FGF14: variants seen among roughly 807,000 people sequenced by gnomAD.
FGF14 encodes fibroblast growth factor homologous factor 4.
FGF14 carries 5 observed loss-of-function variants against 25.5 expected under a neutral mutation model. The ratio of observed to expected loss-of-function variants is 0.20; its 90% CI spans 0.10 to 0.41. FGF14 has a LOEUF of 0.41. FGF14 is among the 10% of genes least tolerant of loss of function. The pLI is 1.00. For missense variants in FGF14, 222 were observed against 320.1 expected (o/e 0.69, Z 2.34); for synonymous variants, 138 against 118.3 (o/e 1.17, Z -1.08).
chr13:101,965,239 A>G (rs1179928055), intron 1 of FGF14, among the ~76,000 whole-genome samples: 2 of 146,846 alleles, frequency 1.4e-5, no homozygotes, highest in African/African-American at 5.0e-5. Flanking sequence ...AGAGAGCAAG[A>G]CTGTCTAAAA....
At chr13:101,940,346 A>G (rs2035367123) in intron 1 of FGF14, among the ~76,000 whole-genome samples, 1 of 152,228 alleles carries the variant, frequency 6.6e-6, no homozygotes, top group East Asian at 1.9e-4. Flanking sequence ...GGGAGGCTCA[A>G]GCATTCAATA....
At chr13:101,993,248 T>A (rs2039002104) in intron 1 of FGF14, among the ~76,000 whole-genome samples, 1 of 149,454 alleles carries the variant, frequency 6.7e-6, no homozygotes, top group African/African-American at 2.4e-5. Context: ...TTCTATATCC[T>A]GAAAAATTAT....
intron 1 of FGF14, among the ~76,000 whole-genome samples, chr13:102,306,400 G>A (rs1438047066): frequency 6.9e-6 from 1 of 145,054 alleles, no homozygotes; most frequent in African/African-American, 2.5e-5. Context: ...TCATGCTTGA[G>A]AGAAGGCAGA....
chr13:102,030,538 T>C (rs1367840647), intron 1 of FGF14, among the ~76,000 whole-genome samples: 1 of 152,040 alleles, frequency 6.6e-6, no homozygotes, highest in Non-Finnish European at 1.5e-5. Flanking sequence ...GGGGAAAGAT[T>C]TGCATAAACA....
intron 3 of FGF14, among the ~76,000 whole-genome samples, chr13:101,838,386 T>C (rs1342626488): frequency 6.6e-6 from 1 of 152,034 alleles, no homozygotes; most frequent in East Asian, 1.9e-4. Context: ...CAGCCACTCT[T>C]TGGGATGCTT....
intron 1 of FGF14, among the ~76,000 whole-genome samples, chr13:102,305,476 GGT>G (rs1357535042): frequency 6.6e-6 from 1 of 152,094 alleles, no homozygotes; most frequent in Non-Finnish European, 1.5e-5. Context: ...ACAATGTCAG[GGT>G]GTGATTATGA....
chr13:102,212,361 A>T (rs1405106079), intron 1 of FGF14, among the ~76,000 whole-genome samples: 2 of 152,190 alleles, frequency 1.3e-5, no homozygotes, highest in Non-Finnish European at 2.9e-5. Context: ...TCTAACATGC[A>T]ATAGTCCCAG....
chr13:102,052,796 T>C (rs952580601), intron 1 of FGF14, among the ~76,000 whole-genome samples: 4 of 152,076 alleles, frequency 2.6e-5, no homozygotes, highest in Non-Finnish European at 5.9e-5. Context: ...TTTCTCAAGC[T>C]GAAAGAAGAA....
At chr13:102,270,634 TGTAA>T (rs1383844605) in intron 1 of FGF14, among the ~76,000 whole-genome samples, 7 of 152,178 alleles carry the variant, frequency 4.6e-5, no homozygotes, top group African/African-American at 1.2e-4. Flanking sequence ...TGCTTTGAAC[TGTAA>T]GTGAGCATAA....
At chr13:102,276,423 G>T (rs2053556592) in intron 1 of FGF14, among the ~76,000 whole-genome samples, 1 of 146,322 alleles carries the variant, frequency 6.8e-6, no homozygotes, top group Non-Finnish European at 1.5e-5. Flanking sequence ...AAGCACTTCA[G>T]CAAAGATCTC....
chr13:102,048,832 TC>T (rs1450442795), intron 1 of FGF14, among the ~76,000 whole-genome samples: 1 of 152,168 alleles, frequency 6.6e-6, no homozygotes, highest in African/African-American at 2.4e-5. Flanking sequence ...AGCCTTTGCT[TC>T]CCCAGCTATG....
intron 1 of FGF14, among the ~76,000 whole-genome samples, chr13:101,959,876 C>T (rs2476213): frequency 0.49 from 74,448 of 152,030 alleles, 20,359 homozygotes; most frequent in African/African-American, 0.73. Flanking sequence ...CGGTATATAA[C>T]ACAATTTTAA....
chr13:101,907,335 T>G (rs1024225365), intron 1 of FGF14, among the ~76,000 whole-genome samples: 11 of 152,146 alleles, frequency 7.2e-5, no homozygotes, highest in African/African-American at 2.7e-4. Context: ...TACTCTCAAT[T>G]AGAAACCCAA....
At chr13:102,343,564 T>C (rs1236605261) in intron 1 of FGF14, among the ~76,000 whole-genome samples, 1 of 152,198 alleles carries the variant, frequency 6.6e-6, no homozygotes, top group Non-Finnish European at 1.5e-5. Flanking sequence ...TTTAGAATGA[T>C]AACTCTACCA....
At chr13:102,135,603 AC>A (rs2046378415) in intron 1 of FGF14, among the ~76,000 whole-genome samples, 1 of 152,214 alleles carries the variant, frequency 6.6e-6, no homozygotes, top group African/African-American at 2.4e-5. Flanking sequence ...TATTTGGAAA[AC>A]TGCCTGTAAA....
chr13:102,330,124 G>A (rs761097397), intron 1 of FGF14, among the ~76,000 whole-genome samples: 4 of 152,110 alleles, frequency 2.6e-5, no homozygotes, highest in Non-Finnish European at 5.9e-5. Context: ...CCCTCTTCTA[G>A]AGGACAATTC....
At chr13:101,982,023 T>C (rs1276453477) in intron 1 of FGF14, among the ~76,000 whole-genome samples, 3 of 152,150 alleles carry the variant, frequency 2.0e-5, no homozygotes, top group South Asian at 2.1e-4. Flanking sequence ...AGAGTAGTGA[T>C]TGGGTGAAAA....
chr13:102,049,866 G>A (rs1486786638), intron 1 of FGF14, among the ~76,000 whole-genome samples: 1 of 152,094 alleles, frequency 6.6e-6, no homozygotes, highest in Non-Finnish European at 1.5e-5. Flanking sequence ...AGAATCTAGG[G>A]GAGAGGCATC....
At chr13:101,867,788 C>T (rs2044793658) in intron 3 of FGF14, among the ~76,000 whole-genome samples, 1 of 151,846 alleles carries the variant, frequency 6.6e-6, no homozygotes. Context: ...GAAGGGAATC[C>T]ACAGCGCAGA....
Sources: gnomAD v4.1 joint callset for allele counts (sites outside exome capture counted in the v4.1 genomes callset) on GRCh38, gnomAD v4.1.1 for gene constraint, MANE v1.5 for transcripts, NCBI Gene and HGNC (gene_info 2026-07-23, HGNC 2026-07-21) for gene names.